The following DLG2 variants were observed in gnomAD, a reference collection of about 807,000 sequenced individuals.
The protein encoded by DLG2 is discs large MAGUK scaffold protein 2.
Under a neutral mutation model 132.5 loss-of-function variants are expected in DLG2, and 45 were observed. The ratio of observed to expected loss-of-function variants is 0.34; its 90% CI spans 0.27 to 0.44. DLG2 has a LOEUF of 0.44. Ranked by LOEUF, DLG2 falls within the 20% of genes least tolerant of loss-of-function variation. DLG2 has a pLI of 1.00. For synonymous variants in DLG2, 424 were observed against 419.6 expected, an observed-to-expected ratio of 1.01 and a Z score of -0.13; for missense variants, 1,045 against 1,196.9, an observed-to-expected ratio of 0.87 and a Z score of 1.87.
chr11:84,986,337 A>T (rs2056490225), intron 6 of DLG2, among the ~76,000 whole-genome samples: 1 of 152,194 alleles, frequency 6.6e-6, no homozygotes, highest in African/African-American at 2.4e-5. Flanking sequence ...ATGGATTCAC[A>T]GCAGAATCCT....
At chr11:84,197,932 C>G (rs913515066) in intron 8 of DLG2, among the ~76,000 whole-genome samples, 1 of 152,076 alleles carries the variant, frequency 6.6e-6, no homozygotes, top group Non-Finnish European at 1.5e-5. Flanking sequence ...GCTTCAGCGG[C>G]CCCACACCAA....
At chr11:84,389,834 A>C (rs1189167488) in intron 7 of DLG2, among the ~76,000 whole-genome samples, 1 of 152,164 alleles carries the variant, frequency 6.6e-6, no homozygotes, top group African/African-American at 2.4e-5. Context: ...TCAACTCATG[A>C]ACATTTTTAA....
At chr11:85,155,583 C>T (rs1342912559) in intron 4 of DLG2, among the ~76,000 whole-genome samples, 1 of 152,058 alleles carries the variant, frequency 6.6e-6, no homozygotes, top group African/African-American at 2.4e-5. Context: ...GGATTCCTCA[C>T]TTTAGGCCAG....
chr11:83,697,311 C>A (rs2082112522), intron 18 of DLG2, among the ~76,000 whole-genome samples: 1 of 152,180 alleles, frequency 6.6e-6, no homozygotes, highest in South Asian at 2.1e-4. Flanking sequence ...TACTTGACCT[C>A]TAATTATCCA....
chr11:84,344,986 T>C (rs997883153), intron 7 of DLG2, among the ~76,000 whole-genome samples: 2 of 152,176 alleles, frequency 1.3e-5, no homozygotes, highest in African/African-American at 4.8e-5. Context: ...GAAGCCTTAT[T>C]ATATTACTTT....
intron 6 of DLG2, among the ~76,000 whole-genome samples, chr11:84,580,779 T>A (rs971981698): frequency 1.3e-5 from 2 of 152,240 alleles, no homozygotes; most frequent in Non-Finnish European, 2.9e-5. Context: ...GCAAGATAAA[T>A]CATTCACTTC....
At position 83,742,210 on chromosome 11, in the gene DLG2, AACACACACAC is replaced by A. The variant is rs67195725; in HGVS notation, c.1825+44470_1825+44479del. The stretch of plus-strand genomic sequence containing the variant: ...AGAGAGTAAATTTTACCACACTTTT[AACACACACAC>A]ACACACACACACACACACACACAGA... On this transcript the variant is annotated intron_variant, in intron 18 of 27. Transcript: ENST00000376104. Among the ~76,000 whole-genome samples the A allele has an allele frequency of 6.8e-5, 10 of 147,106 alleles. No homozygotes were observed. The East Asian group carries it at 1.6e-3, about 23-fold the overall frequency.
intron 17 of DLG2, chr11:83,791,311 G>A: frequency 1.5e-6 from 1 of 676,736 alleles, no homozygotes; most frequent in South Asian, 1.8e-5. Flanking sequence ...CTTGCCTTTT[G>A]GCTTCTGTTT....
At chr11:83,872,647 A>T (rs770974080) in intron 16 of DLG2, among the ~76,000 whole-genome samples, 15 of 152,204 alleles carry the variant, frequency 9.9e-5, no homozygotes, top group Non-Finnish European at 2.2e-4. Context: ...AAACAGTGGA[A>T]ATTGAAAAAT....
chr11:83,801,977 T>A (rs886243965), intron 17 of DLG2, among the ~76,000 whole-genome samples: 3 of 152,102 alleles, frequency 2.0e-5, no homozygotes, highest in African/African-American at 7.2e-5. Flanking sequence ...CTAATTAGAG[T>A]CCTTTTCAGA....
intron 8 of DLG2, among the ~76,000 whole-genome samples, chr11:84,249,456 A>G (rs1195416439): frequency 1.3e-5 from 2 of 152,208 alleles, no homozygotes; most frequent in Non-Finnish European, 2.9e-5. Flanking sequence ...TCTACAGCCA[A>G]GCTATCTGGA....
At chr11:83,499,570 A>T (rs2094333234) in intron 21 of DLG2, among the ~76,000 whole-genome samples, 1 of 151,438 alleles carries the variant, frequency 6.6e-6, no homozygotes, top group African/African-American at 2.4e-5. Context: ...GGTCCCAAGA[A>T]TGTATCATGA....
intron 6 of DLG2, among the ~76,000 whole-genome samples, chr11:84,825,161 T>C (rs1158351907): frequency 1.3e-5 from 2 of 151,884 alleles, no homozygotes; most frequent in African/African-American, 4.8e-5. Context: ...CAGTGTGATA[T>C]AGCACACCCT....
intron 6 of DLG2, among the ~76,000 whole-genome samples, chr11:84,556,492 A>C (rs2099412219): frequency 6.6e-6 from 1 of 152,214 alleles, no homozygotes; most frequent in African/African-American, 2.4e-5. Flanking sequence ...GTCTTGGGCC[A>C]CACATAAAAC....
chr11:84,518,351 A>AGAAAATACAT, intron 7 of DLG2, among the ~76,000 whole-genome samples: 1 of 152,090 alleles, frequency 6.6e-6, no homozygotes, highest in Non-Finnish European at 1.5e-5. Flanking sequence ...AAGAGGGAAG[A>AGAAAATACAT]AGAAAATACA....
At chr11:85,409,265 C>A (rs998906264) in intron 3 of DLG2, among the ~76,000 whole-genome samples, 4 of 151,784 alleles carry the variant, frequency 2.6e-5, no homozygotes, top group African/African-American at 9.7e-5. Context: ...AAGCTTCAGG[C>A]CTTCTGAGTC....
At chr11:85,466,567 A>G (rs945982389) in intron 3 of DLG2, among the ~76,000 whole-genome samples, 8 of 152,176 alleles carry the variant, frequency 5.3e-5, no homozygotes. Context: ...TAAATAAGGA[A>G]TCCTTTCCCT....
intron 8 of DLG2, among the ~76,000 whole-genome samples, chr11:84,184,850 T>C (rs988528393): frequency 1.5e-4 from 23 of 152,188 alleles, no homozygotes; most frequent in African/African-American, 5.3e-4. Flanking sequence ...TTGCTTGTTT[T>C]TCTCAGGTTT....
At chr11:84,857,843 G>T (rs1378384391) in intron 6 of DLG2, among the ~76,000 whole-genome samples, 1 of 151,244 alleles carries the variant, frequency 6.6e-6, no homozygotes, top group Middle Eastern at 3.2e-3. Context: ...TTCTAAAGTT[G>T]TTACCAATAA....
Sources: gnomAD v4.1 joint callset for allele counts (sites outside exome capture counted in the v4.1 genomes callset) on GRCh38, gnomAD v4.1.1 for gene constraint, MANE v1.5 for transcripts, NCBI Gene and HGNC (gene_info 2026-07-23, HGNC 2026-07-21) for gene names.